LUZP2: variants seen among roughly 807,000 people sequenced by gnomAD.
The protein encoded by LUZP2 is leucine zipper protein 2.
A neutral mutation model predicts 51.6 loss-of-function variants in LUZP2; 52 were observed. The ratio of observed to expected loss-of-function variants is 1.01; its 90% CI spans 0.81 to 1.27. The LOEUF (loss-of-function observed/expected upper bound fraction) is 1.27, where lower values mean the gene tolerates loss of function less well. LUZP2 is among the 50% of genes most tolerant of loss of function. The pLI, the probability that LUZP2 is intolerant of heterozygous loss-of-function variation, is 0.00. For missense variants in LUZP2, 436 were observed against 395.4 expected, an observed-to-expected ratio of 1.10 and a Z score of -0.87; for synonymous variants, 154 against 137.3, an observed-to-expected ratio of 1.12 and a Z score of -0.85.
At chr11:24,748,412 CTGCGGGAGCAGTT>C (rs1388104012) in intron 4 of LUZP2, among the ~76,000 whole-genome samples, 2 of 151,732 alleles carry the variant, frequency 1.3e-5, no homozygotes, top group African/African-American at 4.8e-5. Context: ...CTCCTGGGTT[CTGCGGGAGCAGTT>C]TGCTTCCTTT....
intron 1 of LUZP2, among the ~76,000 whole-genome samples, chr11:24,700,302 G>A (rs1857386793): frequency 6.6e-6 from 1 of 151,962 alleles, no homozygotes; most frequent in South Asian, 2.1e-4. Flanking sequence ...GACCTCAGGT[G>A]ATCTACCTGC....
intron 1 of LUZP2, among the ~76,000 whole-genome samples, chr11:24,543,446 C>T (rs1590161047): frequency 6.6e-6 from 1 of 151,990 alleles, no homozygotes; most frequent in South Asian, 2.1e-4. Flanking sequence ...TGCATTATCC[C>T]AAAACTTCAT....
chr11:25,008,868 TG>T (rs1038261734), intron 9 of LUZP2, among the ~76,000 whole-genome samples: 3 of 152,114 alleles, frequency 2.0e-5, no homozygotes, highest in African/African-American at 7.2e-5. Flanking sequence ...TGGGCGGGCC[TG>T]GGAAAAATAC....
intron 5 of LUZP2, among the ~76,000 whole-genome samples, chr11:24,854,036 C>T (rs1404205425): frequency 6.6e-6 from 1 of 152,184 alleles, no homozygotes; most frequent in Admixed American, 6.5e-5. Context: ...CCAGAGCTCT[C>T]CTGTATGAGG....
At chr11:24,766,274 G>A (rs1021604998) in intron 5 of LUZP2, among the ~76,000 whole-genome samples, 2 of 152,030 alleles carry the variant, frequency 1.3e-5, no homozygotes, top group African/African-American at 4.8e-5. Context: ...CCGCAACAAT[G>A]TGTATTTCCT....
intron 1 of LUZP2, among the ~76,000 whole-genome samples, chr11:24,576,988 A>G (rs1194544284): frequency 1.3e-5 from 2 of 152,024 alleles, no homozygotes; most frequent in Non-Finnish European, 2.9e-5. Flanking sequence ...TTAAAGAAAA[A>G]CACCCTATAA....
rs76276745 is a variant in LUZP2 at position 24,781,486 on chromosome 11, T to C, written c.396+18178T>C. Among the ~76,000 whole-genome samples the C allele has an allele frequency of 2.0e-5, 3 of 152,112 alleles. No homozygotes were observed. In the East Asian group the frequency reaches 5.8e-4, roughly 29 times the overall value. On this transcript the variant is annotated intron_variant, in intron 5 of 11. Transcript: ENST00000336930. ...CCCCTCAAAACAATATTAGGTCCTT[T>C]CCTACCTTATGTCTGAAAGTTGCAG...
intron 1 of LUZP2, among the ~76,000 whole-genome samples, chr11:24,665,006 T>A (rs1190984500): frequency 2.6e-5 from 4 of 152,110 alleles, no homozygotes; most frequent in African/African-American, 9.7e-5. Flanking sequence ...CATCCACTGA[T>A]AGCTTGCACC....
intron 9 of LUZP2, among the ~76,000 whole-genome samples, chr11:25,003,455 A>G (rs906125409): frequency 1.3e-5 from 2 of 152,164 alleles, no homozygotes; most frequent in African/African-American, 4.8e-5. Context: ...AGCAGGGTAT[A>G]GGGGTGGGTA....
chr11:24,708,704 C>T lies in LUZP2; in HGVS notation c.63-20465C>T, dbSNP rs532765810. Among the ~76,000 whole-genome samples the T allele has an allele frequency of 3.3e-5, 5 of 152,226 alleles. No individual in the cohort carries two copies. The South Asian group carries it at 8.3e-4, about 25-fold the overall frequency. Reference sequence around the variant, plus strand: ...TTATTCAGAAGCCCAAAGTATGATTCAAGAATTCATATTTCTGCCAAGTTG... The same window carrying T: ...TTATTCAGAAGCCCAAAGTATGATTTAAGAATTCATATTTCTGCCAAGTTG... On this transcript the variant is annotated intron_variant, in intron 1 of 11. Coordinates refer to ENST00000336930, the MANE Select transcript of LUZP2 (RefSeq NM_001009909.4).
chr11:24,962,048 T>A (rs1430824289), intron 7 of LUZP2, among the ~76,000 whole-genome samples: 1 of 151,992 alleles, frequency 6.6e-6, no homozygotes, highest in Non-Finnish European at 1.5e-5. Flanking sequence ...TTGAAAATTC[T>A]TTTCTTTAAG....
At chr11:24,850,925 G>C (rs997673974) in intron 5 of LUZP2, among the ~76,000 whole-genome samples, 1 of 151,392 alleles carries the variant, frequency 6.6e-6, no homozygotes, top group Non-Finnish European at 1.5e-5. Flanking sequence ...TCTATTATTG[G>C]TGTATAGAAA....
chr11:24,505,677 T>C (rs773010691), intron 1 of LUZP2, among the ~76,000 whole-genome samples: 1 of 152,088 alleles, frequency 6.6e-6, no homozygotes, highest in Non-Finnish European at 1.5e-5. Flanking sequence ...ACCTCCTTTA[T>C]TACAAACTAA....
chr11:24,815,739 C>T (rs530451685), intron 5 of LUZP2, among the ~76,000 whole-genome samples: 3 of 152,102 alleles, frequency 2.0e-5, no homozygotes, highest in Non-Finnish European at 4.4e-5. Context: ...ATCTCTTCAT[C>T]GTGGGTTTTC....
At chr11:24,525,418 CTT>C (rs1488463509) in intron 1 of LUZP2, among the ~76,000 whole-genome samples, 1 of 151,472 alleles carries the variant, frequency 6.6e-6, no homozygotes, top group African/African-American at 2.4e-5. Flanking sequence ...GCAGGCATGA[CTT>C]TAACTCTGAG....
chr11:24,707,095 A>G (rs1364305999), intron 1 of LUZP2, among the ~76,000 whole-genome samples: 10 of 151,966 alleles, frequency 6.6e-5, no homozygotes, highest in Non-Finnish European at 1.2e-4. Context: ...TCCTTGTCCC[A>G]TTTTACTAAA....
intron 10 of LUZP2, 60 bp from the exon 11 acceptor site, chr11:25,077,269 T>C: frequency 1.6e-6 from 2 of 1,245,496 alleles, no homozygotes; most frequent in Non-Finnish European, 2.4e-6. Context: ...TGTTTTTGAC[T>C]CCCCCCTCCA....
At chr11:24,809,609 AAGAAAAGTGTGTG>A (rs1298801732) in intron 5 of LUZP2, among the ~76,000 whole-genome samples, 2 of 152,184 alleles carry the variant, frequency 1.3e-5, no homozygotes, top group African/African-American at 4.8e-5. Flanking sequence ...TGAATAATGG[AAGAAAAGTGTGTG>A]AGAATCAACT....
At chr11:24,892,654 A>G (rs1413594381) in intron 5 of LUZP2, 2 of 165,032 alleles carry the variant, frequency 1.2e-5, no homozygotes, top group Non-Finnish European at 2.5e-5. Context: ...AAAACAAGTA[A>G]TGTGTATATT....
Sources: gnomAD v4.1 joint callset for allele counts (sites outside exome capture counted in the v4.1 genomes callset) on GRCh38, gnomAD v4.1.1 for gene constraint, MANE v1.5 for transcripts, NCBI Gene and HGNC (gene_info 2026-07-23, HGNC 2026-07-21) for gene names.